Variants in STK39 observed in about 807,000 individuals in gnomAD.
The protein encoded by STK39 is STE20/SPS1-related proline-alanine-rich protein kinase.
Under a neutral mutation model 77.8 loss-of-function variants are expected in STK39, and 20 were observed. The ratio of observed to expected loss-of-function variants is 0.26; its 90% CI spans 0.18 to 0.37. The LOEUF is 0.37. Among genes scored for constraint, STK39 ranks in the 10% least tolerant of loss-of-function variants. The pLI is 1.00. For synonymous variants in STK39, 246 were observed against 234.1 expected (o/e 1.05, Z -0.47); for missense variants, 479 against 656.5 (o/e 0.73, Z 2.95).
At chr2:168,095,651 G>A (rs1177848528) in intron 10 of STK39, among the ~76,000 whole-genome samples, 1 of 131,058 alleles carries the variant, frequency 7.6e-6, no homozygotes, top group Non-Finnish European at 1.6e-5. Context: ...TTTTAAGACG[G>A]AGTCTTGCTC....
chr2:168,138,551 G>A (rs997061130), intron 7 of STK39, among the ~76,000 whole-genome samples: 9 of 152,292 alleles, frequency 5.9e-5, no homozygotes, highest in African/African-American at 2.2e-4. Context: ...TTGGGAAAGC[G>A]GGTGGAGGAG....
intron 10 of STK39, among the ~76,000 whole-genome samples, chr2:168,115,309 G>A (rs1687230248): frequency 6.6e-6 from 1 of 152,244 alleles, no homozygotes; most frequent in South Asian, 2.1e-4. Context: ...GTGCATGGGT[G>A]TATACATAAG....
intron 1 of STK39, among the ~76,000 whole-genome samples, chr2:168,217,262 G>T (rs1690047512): frequency 1.3e-5 from 2 of 152,112 alleles, no homozygotes; most frequent in African/African-American, 4.8e-5. Flanking sequence ...GATCCACCTG[G>T]TAGAATTTCC....
intron 16 of STK39, among the ~76,000 whole-genome samples, chr2:167,987,189 G>GCAGT (rs777936214): frequency 2.6e-4 from 39 of 152,136 alleles, no homozygotes; most frequent in Non-Finnish European, 5.3e-4. Flanking sequence ...CAAAGACAAT[G>GCAGT]CAGTGCCAGA....
intron 14 of STK39, among the ~76,000 whole-genome samples, chr2:168,054,347 C>T (rs1272523293): frequency 6.6e-6 from 1 of 152,198 alleles, no homozygotes; most frequent in African/African-American, 2.4e-5. Flanking sequence ...TGACTTTAAA[C>T]CTTAATCTCC....
At chr2:167,988,650 T>C (rs1352991022) in intron 16 of STK39, among the ~76,000 whole-genome samples, 1 of 151,924 alleles carries the variant, frequency 6.6e-6, no homozygotes, top group Non-Finnish European at 1.5e-5. Flanking sequence ...ATCTTGTTAA[T>C]ATGAGAAAAA....
At chr2:168,074,603 C>A (rs1196388603) in intron 12 of STK39, among the ~76,000 whole-genome samples, 1 of 152,198 alleles carries the variant, frequency 6.6e-6, no homozygotes, top group East Asian at 1.9e-4. Context: ...ATGGAAGACA[C>A]TTTGCCTGTA....
At chr2:167,963,847 C>T (rs1692068816) in intron 17 of STK39, among the ~76,000 whole-genome samples, 1 of 152,186 alleles carries the variant, frequency 6.6e-6, no homozygotes, top group South Asian at 2.1e-4. Flanking sequence ...AAAAGATCAT[C>T]AATCTATGTT....
chr2:168,102,823 G>A (rs1261029891), intron 10 of STK39, among the ~76,000 whole-genome samples: 4 of 151,298 alleles, frequency 2.6e-5, no homozygotes, highest in Admixed American at 1.3e-4. Context: ...CCAGCTACTC[G>A]GGAGGCTGAG....
chr2:168,229,346 T>C (rs752300451), intron 1 of STK39, among the ~76,000 whole-genome samples: 5 of 151,294 alleles, frequency 3.3e-5, no homozygotes, highest in Non-Finnish European at 7.4e-5. Flanking sequence ...CATTGCACCA[T>C]TGCATTCCAG....
chr2:168,064,038 G>A (rs1242681301), intron 13 of STK39, among the ~76,000 whole-genome samples: 1 of 152,146 alleles, frequency 6.6e-6, no homozygotes, highest in Non-Finnish European at 1.5e-5. Flanking sequence ...AACCATGAAT[G>A]TCTCCAATAC....
At chr2:167,956,673 C>G (rs1378987229) in intron 17 of STK39, among the ~76,000 whole-genome samples, 2 of 37,512 alleles carry the variant, frequency 5.3e-5, no homozygotes, top group Non-Finnish European at 1.2e-4. Context: ...TTTAGACACA[C>G]ACACACACAC....
At chr2:168,167,823 T>C (rs1299448236) in intron 2 of STK39, among the ~76,000 whole-genome samples, 3 of 152,200 alleles carry the variant, frequency 2.0e-5, no homozygotes, top group Non-Finnish European at 4.4e-5. Context: ...TGGTGGATCT[T>C]AGCTCCTCCC....
intron 14 of STK39, among the ~76,000 whole-genome samples, chr2:168,037,822 T>A (rs955005129): frequency 3.9e-5 from 6 of 152,160 alleles, no homozygotes; most frequent in African/African-American, 1.4e-4. Context: ...ATTTTCTTCT[T>A]TATAACTTTC....
At chr2:168,240,982 A>G (rs917321787) in intron 1 of STK39, among the ~76,000 whole-genome samples, 7 of 152,372 alleles carry the variant, frequency 4.6e-5, no homozygotes, top group African/African-American at 1.7e-4. Flanking sequence ...CAGTGATTTC[A>G]GAGAGTAACT....
intron 12 of STK39, among the ~76,000 whole-genome samples, chr2:168,069,312 C>T (rs1053146143): frequency 4.6e-5 from 7 of 152,222 alleles, no homozygotes; most frequent in African/African-American, 9.6e-5. Context: ...CACATTGCAT[C>T]TAATCTCTAA....
chr2:168,141,937 T>A (rs971325189), intron 5 of STK39, among the ~76,000 whole-genome samples: 21 of 149,158 alleles, frequency 1.4e-4, no homozygotes, highest in African/African-American at 5.1e-4. Context: ...ATACATTGAA[T>A]GTTGCATTTT....
intron 1 of STK39, among the ~76,000 whole-genome samples, chr2:168,235,723 C>G (rs911615585): frequency 5.3e-5 from 8 of 151,198 alleles, no homozygotes; most frequent in Admixed American, 5.3e-4. Flanking sequence ...TTTGTCCCTG[C>G]AATAGTTTGC....
At chr2:168,172,294 G>A (rs565950044) in intron 2 of STK39, among the ~76,000 whole-genome samples, 231 of 152,274 alleles carry the variant, frequency 1.5e-3, no homozygotes, top group African/African-American at 4.5e-3. Context: ...GGCAGCAGCC[G>A]TCACTTTTTC....
Sources: gnomAD v4.1 joint callset for allele counts (sites outside exome capture counted in the v4.1 genomes callset) on GRCh38, gnomAD v4.1.1 for gene constraint, MANE v1.5 for transcripts, NCBI Gene and HGNC (gene_info 2026-07-23, HGNC 2026-07-21) for gene names.